The following CDH18 variants were observed in gnomAD, a reference collection of about 807,000 sequenced individuals.
The protein encoded by CDH18 is cadherin 18.
Under a neutral mutation model 67.9 loss-of-function variants are expected in CDH18, and 31 were observed. The ratio of observed to expected loss-of-function variants is 0.46; its 90% CI spans 0.34 to 0.62. The LOEUF (loss-of-function observed/expected upper bound fraction) is 0.62, where lower values mean the gene tolerates loss of function less well. Ranked by LOEUF, CDH18 falls within the 20% of genes least tolerant of loss-of-function variation. The pLI is 0.01. For missense variants in CDH18, 890 were observed against 975.5 expected, an observed-to-expected ratio of 0.91 and a Z score of 1.17; for synonymous variants, 362 against 347.2, an observed-to-expected ratio of 1.04 and a Z score of -0.48.
intron 1 of CDH18, among the ~76,000 whole-genome samples, chr5:20,310,766 T>G (rs183379601): frequency 3.9e-5 from 6 of 152,222 alleles, no homozygotes; most frequent in Non-Finnish European, 8.8e-5. Flanking sequence ...CTTTGTAAGA[T>G]ACATTGAATG....
In CDH18 at chr5:20,435,055, C is replaced by A. The variant is rs541820529; in HGVS notation, c.-580+140407G>T. Among the ~76,000 whole-genome samples the A allele has an allele frequency of 2.0e-5, 3 of 152,156 alleles. No individual in the cohort carries two copies. The East Asian group carries it at 5.8e-4, about 29-fold the overall frequency. ...TGGCTTAAACCAGCACAAGTAAGTT[C>A]TTCTGTATGCAACCTAGTATATAGC... On this transcript the variant is annotated intron_variant, in intron 1 of 14. Transcript: ENST00000507958.
intron 2 of CDH18, among the ~76,000 whole-genome samples, chr5:19,886,880 A>C (rs4866157): frequency 0.5 from 75,700 of 151,950 alleles, 18,998 homozygotes; most frequent in Middle Eastern, 0.65. Flanking sequence ...TCATTCATTC[A>C]TCATTGTGTG....
intron 1 of CDH18, among the ~76,000 whole-genome samples, chr5:20,396,247 T>C (rs1439932004): frequency 6.6e-6 from 1 of 152,048 alleles, no homozygotes; most frequent in Non-Finnish European, 1.5e-5. Context: ...GTATCAGAAT[T>C]GAATTTAATT....
chr5:20,399,802 G>T (rs1300655623), intron 1 of CDH18, among the ~76,000 whole-genome samples: 1 of 152,142 alleles, frequency 6.6e-6, no homozygotes, highest in Admixed American at 6.5e-5. Flanking sequence ...GCTCATCAGA[G>T]TGAAATTATT....
chr5:20,243,787 T>C (rs1246714843), intron 2 of CDH18, among the ~76,000 whole-genome samples: 1 of 152,156 alleles, frequency 6.6e-6, no homozygotes, highest in Non-Finnish European at 1.5e-5. Flanking sequence ...TATTTATCAT[T>C]GTAGCCTAGA....
chr5:19,753,459 C>T (rs1473000765), intron 3 of CDH18, among the ~76,000 whole-genome samples: 7 of 152,012 alleles, frequency 4.6e-5, no homozygotes, highest in African/African-American at 1.5e-4. Context: ...TCAAATTAAC[C>T]CAATCCAACA....
intron 2 of CDH18, among the ~76,000 whole-genome samples, chr5:20,081,307 T>C (rs1744446501): frequency 6.6e-6 from 1 of 152,174 alleles, no homozygotes; most frequent in Admixed American, 6.5e-5. Context: ...ACTTCACTTA[T>C]TCTAGTTAGT....
intron 1 of CDH18, among the ~76,000 whole-genome samples, chr5:20,347,065 G>C (rs781672688): frequency 2.3e-4 from 35 of 152,026 alleles, no homozygotes; most frequent in Non-Finnish European, 4.9e-4. Flanking sequence ...AATTGTTAAG[G>C]GGTGCTAAGA....
intron 2 of CDH18, among the ~76,000 whole-genome samples, chr5:19,948,459 G>A (rs1008677996): frequency 2.0e-5 from 3 of 152,106 alleles, no homozygotes; most frequent in South Asian, 2.1e-4. Context: ...GACAAACCTC[G>A]TGGAAACTAT....
At chr5:19,944,458 G>T (rs1795108934) in intron 2 of CDH18, among the ~76,000 whole-genome samples, 1 of 152,062 alleles carries the variant, frequency 6.6e-6, no homozygotes, top group South Asian at 2.1e-4. Context: ...GATTTGAGTG[G>T]TGAATGTTTA....
intron 2 of CDH18, among the ~76,000 whole-genome samples, chr5:20,246,462 G>A (rs1743383711): frequency 6.6e-6 from 1 of 152,018 alleles, no homozygotes; most frequent in Admixed American, 6.6e-5. Flanking sequence ...TTTAATCAAA[G>A]GTATAAAACT....
In CDH18 at chr5:20,527,995, G is replaced by A. The variant is rs190531909; in HGVS notation, c.-580+47467C>T. Among the ~76,000 whole-genome samples the A allele has an allele frequency of 3.3e-5, 5 of 152,154 alleles. No individual in the cohort carries two copies. In the East Asian group the frequency reaches 9.7e-4, roughly 29 times the overall value. The stretch of plus-strand genomic sequence containing the variant: ...CTGGATAAAATGACAAGACTCATTG[G>A]TGTGCTGTATTCAAGAGACGTGTCT... On this transcript the variant is annotated intron_variant, in intron 1 of 14. Coordinates refer to the CDH18 transcript ENST00000507958.
chr5:20,286,948 C>G (rs866273926), intron 1 of CDH18, among the ~76,000 whole-genome samples: 4 of 151,858 alleles, frequency 2.6e-5, no homozygotes, highest in African/African-American at 9.6e-5. Flanking sequence ...AATTCTATAA[C>G]CTAGAAAATA....
At chr5:19,862,979 A>G (rs1433150331) in intron 2 of CDH18, among the ~76,000 whole-genome samples, 1 of 151,512 alleles carries the variant, frequency 6.6e-6, no homozygotes, top group Non-Finnish European at 1.5e-5. Context: ...AGAGAAAGCA[A>G]GAAAAACTGT....
chr5:20,265,097 C>T (rs1046984079), intron 1 of CDH18, among the ~76,000 whole-genome samples: 8 of 152,144 alleles, frequency 5.3e-5, no homozygotes, highest in African/African-American at 1.9e-4. Flanking sequence ...TGAGAAAACA[C>T]ACATCAGTTA....
At chr5:19,736,568 G>A (rs116825265) in intron 4 of CDH18, among the ~76,000 whole-genome samples, 2,009 of 152,024 alleles carry the variant, frequency 0.013, 29 homozygotes, top group Non-Finnish European at 0.022. Flanking sequence ...TACATTCCAC[G>A]TTGCTTATTG....
chr5:20,146,988 C>T (rs1248697096), intron 2 of CDH18, among the ~76,000 whole-genome samples: 1 of 152,004 alleles, frequency 6.6e-6, no homozygotes, highest in Non-Finnish European at 1.5e-5. Flanking sequence ...ACTTTATTTT[C>T]AGAAGTATGC....
intron 12 of CDH18, among the ~76,000 whole-genome samples, chr5:19,478,280 T>A (rs1484780782): frequency 1.3e-5 from 2 of 152,242 alleles, no homozygotes; most frequent in Non-Finnish European, 2.9e-5. Flanking sequence ...CATAGCAGAA[T>A]TTTTTAAACC....
chr5:19,913,736 G>A (rs898515859), intron 2 of CDH18, among the ~76,000 whole-genome samples: 1 of 152,120 alleles, frequency 6.6e-6, no homozygotes, highest in Non-Finnish European at 1.5e-5. Context: ...CAGCCCAGAA[G>A]TCTGAAACTC....
Sources: gnomAD v4.1 joint callset for allele counts (sites outside exome capture counted in the v4.1 genomes callset) on GRCh38, gnomAD v4.1.1 for gene constraint, MANE v1.5 for transcripts, NCBI Gene and HGNC (gene_info 2026-07-23, HGNC 2026-07-21) for gene names.